Variants in TPRG1 observed in about 807,000 individuals in gnomAD.
TPRG1 encodes the protein tumor protein p63-regulated gene 1 protein.
Under a neutral mutation model 29.3 loss-of-function variants are expected in TPRG1, and 29 were observed. The ratio of observed to expected loss-of-function variants is 0.99; its 90% confidence interval spans 0.74 to 1.35. The LOEUF is 1.35. Among genes scored for constraint, TPRG1 ranks in the 40% most tolerant of loss-of-function variants. The pLI is 0.00. For missense variants in TPRG1, 327 were observed against 335.0 expected (o/e 0.98, Z 0.19); for synonymous variants, 130 against 116.8 (o/e 1.11, Z -0.73).
chr3:189,204,314 A>G (rs1733978372), intron 1 of TPRG1, among the ~76,000 whole-genome samples: 1 of 151,116 alleles, frequency 6.6e-6, no homozygotes, highest in Non-Finnish European at 1.5e-5. Flanking sequence ...CAGCCTATGC[A>G]GGGATAGAAG....
chr3:189,316,372 G>A (rs565437604), intron 5 of TPRG1, among the ~76,000 whole-genome samples: 5 of 152,284 alleles, frequency 3.3e-5, no homozygotes, highest in South Asian at 2.1e-4. Context: ...TATTGGATGG[G>A]CGTGCCCTCT....
intron 3 of TPRG1, among the ~76,000 whole-genome samples, chr3:189,238,333 C>T (rs1560590728): frequency 6.6e-6 from 1 of 152,124 alleles, no homozygotes; most frequent in Non-Finnish European, 1.5e-5. Context: ...ATTTGTGGTA[C>T]GGATTCAGCT....
intron 3 of TPRG1, among the ~76,000 whole-genome samples, chr3:189,224,465 C>G (rs749190517): frequency 2.6e-5 from 4 of 151,700 alleles, no homozygotes; most frequent in African/African-American, 7.3e-5. Flanking sequence ...GGCTGTAGAG[C>G]GAGACTCCAT....
At chr3:189,134,971 C>G (rs548639127) in intron 3 of TPRG1, among the ~76,000 whole-genome samples, 1 of 152,076 alleles carries the variant, frequency 6.6e-6, no homozygotes, top group South Asian at 2.1e-4. Flanking sequence ...TAGGACAGCC[C>G]AACAGAAAAA....
upstream of TPRG1, among the ~76,000 whole-genome samples, chr3:189,171,725 A>G (rs1728833687): frequency 6.6e-6 from 1 of 152,208 alleles, no homozygotes; most frequent in Admixed American, 6.5e-5. Context: ...GGAGGCATAC[A>G]GAAGCCATGG....
At chr3:189,274,950 G>A (rs1715863021) in intron 4 of TPRG1, among the ~76,000 whole-genome samples, 1 of 149,442 alleles carries the variant, frequency 6.7e-6, no homozygotes, top group Non-Finnish European at 1.5e-5. Flanking sequence ...GTGTGTGTGT[G>A]TGTGTGTGTG....
intron 4 of TPRG1, among the ~76,000 whole-genome samples, chr3:189,041,364 A>G (rs1714623166): frequency 6.6e-6 from 1 of 152,200 alleles, no homozygotes; most frequent in Non-Finnish European, 1.5e-5. Context: ...TGCAACTAAG[A>G]ATCTGAACTT....
At chr3:189,074,371 A>G (rs1159188994) in intron 4 of TPRG1, among the ~76,000 whole-genome samples, 2 of 151,484 alleles carry the variant, frequency 1.3e-5, no homozygotes, top group Non-Finnish European at 2.9e-5. Flanking sequence ...ACGCCCGGCT[A>G]ATTTTTTGTA....
intron 4 of TPRG1, among the ~76,000 whole-genome samples, chr3:189,090,724 CTCTT>C (rs1718285064): frequency 6.6e-6 from 1 of 152,036 alleles, no homozygotes; most frequent in African/African-American, 2.4e-5. Flanking sequence ...CCCTATGTAT[CTCTT>C]TAATGTTTTC....
At chr3:189,102,445 T>C (rs949011977) in intron 1 of TPRG1, among the ~76,000 whole-genome samples, 3 of 152,202 alleles carry the variant, frequency 2.0e-5, no homozygotes, top group Non-Finnish European at 4.4e-5. Context: ...TTTTCCCTCT[T>C]ATCCATCCAA....
chr3:189,276,976 C>G (rs556117006), intron 4 of TPRG1, among the ~76,000 whole-genome samples: 1 of 152,066 alleles, frequency 6.6e-6, no homozygotes, highest in Non-Finnish European at 1.5e-5. Context: ...TCATAGTAGC[C>G]TCCTCTCTTT....
rs190689959 is a variant in TPRG1, at chr3:189,228,099, C to T, written c.303-10634C>T. Among the ~76,000 whole-genome samples, 996 of 152,200 alleles carry T rather than the reference C, an allele frequency of 6.5e-3. 13 individuals are homozygous for T. The highest frequency in any genetic ancestry group is 0.023 in the African/African-American group (969 of 41,516). On this transcript the variant is annotated intron_variant, in intron 3 of 5. Transcript: ENST00000345063. ...TCGCCCCACTGCACTCCAGCCTGGG[C>T]AACAGAGCGAGACTCCATCTCAACA...
chr3:189,277,868 C>G (rs1716437730), intron 4 of TPRG1, among the ~76,000 whole-genome samples: 1 of 152,178 alleles, frequency 6.6e-6, no homozygotes, highest in South Asian at 2.1e-4. Flanking sequence ...GAACTCACTA[C>G]CTCCTCAGCC....
At chr3:189,143,064 C>A (rs1490857328) in intron 3 of TPRG1, among the ~76,000 whole-genome samples, 4 of 152,172 alleles carry the variant, frequency 2.6e-5, no homozygotes, top group Non-Finnish European at 4.4e-5. Flanking sequence ...TTTGGTATTA[C>A]TAAATAAGAG....
intron 5 of TPRG1, among the ~76,000 whole-genome samples, chr3:189,311,011 G>A (rs1315654929): frequency 1.3e-5 from 2 of 152,114 alleles, no homozygotes; most frequent in Admixed American, 1.3e-4. Context: ...CCATTATAAG[G>A]TTAAATAGAA....
At chr3:189,155,196 T>C (rs1214506231) in intron 5 of TPRG1, among the ~76,000 whole-genome samples, 1 of 152,006 alleles carries the variant, frequency 6.6e-6, no homozygotes, top group Non-Finnish European at 1.5e-5. Flanking sequence ...CCATAAAATG[T>C]TTTGAGGAAG....
intron 4 of TPRG1, among the ~76,000 whole-genome samples, chr3:189,261,438 A>G (rs1027628793): frequency 6.6e-6 from 1 of 151,894 alleles, no homozygotes; most frequent in African/African-American, 2.4e-5. Context: ...GAAAAAAGCC[A>G]TTGACTTAAT....
At chr3:189,153,597 G>C (rs1726250801) in intron 5 of TPRG1, among the ~76,000 whole-genome samples, 3 of 152,080 alleles carry the variant, frequency 2.0e-5, no homozygotes, top group African/African-American at 7.2e-5. Context: ...TCAGCCCCAG[G>C]TAATTCTTCC....
At chr3:189,110,764 G>A (rs1403299980) in intron 1 of TPRG1, among the ~76,000 whole-genome samples, 1 of 151,728 alleles carries the variant, frequency 6.6e-6, no homozygotes, top group African/African-American at 2.4e-5. Flanking sequence ...TAGGTATTTT[G>A]TTTTGCTTTG....
Sources: gnomAD v4.1 joint callset for allele counts (sites outside exome capture counted in the v4.1 genomes callset) on GRCh38, gnomAD v4.1.1 for gene constraint, MANE v1.5 for transcripts, NCBI Gene and HGNC (gene_info 2026-07-23, HGNC 2026-07-21) for gene names.